GMDS: variants seen among roughly 807,000 people sequenced by gnomAD.
GMDS encodes the protein GDP-mannose 4,6 dehydratase.
A neutral mutation model predicts 49.9 loss-of-function variants in GMDS; 20 were observed. The observed-to-expected ratio is 0.40, with a 90% CI of 0.28 to 0.58. The LOEUF (loss-of-function observed/expected upper bound fraction) is 0.58. Ranked by LOEUF, GMDS falls within the 20% of genes least tolerant of loss-of-function variation. GMDS has a pLI of 0.42. For missense variants in GMDS, 362 were observed against 481.4 expected, an observed-to-expected ratio of 0.75 and a Z score of 2.32; for synonymous variants, 177 against 178.6, an observed-to-expected ratio of 0.99 and a Z score of 0.07.
intron 1 of GMDS, among the ~76,000 whole-genome samples, chr6:2,201,909 G>T (rs1174996773): frequency 7.4e-6 from 1 of 135,700 alleles, no homozygotes; most frequent in African/African-American, 2.8e-5. Flanking sequence ...TAGCAGGGAG[G>T]TGAAGGATGA....
intron 7 of GMDS, among the ~76,000 whole-genome samples, chr6:1,924,265 CA>C (rs1761879859): frequency 6.6e-6 from 1 of 152,168 alleles, no homozygotes; most frequent in Non-Finnish European, 1.5e-5. Flanking sequence ...CACCTCCACA[CA>C]AAAAAGGATG....
At chr6:1,995,595 A>G (rs1266220378) in intron 4 of GMDS, among the ~76,000 whole-genome samples, 1 of 152,180 alleles carries the variant, frequency 6.6e-6, no homozygotes, top group Non-Finnish European at 1.5e-5. Flanking sequence ...TAGGGAGATA[A>G]ACACATGAAG....
chr6:1,942,522 C>A (rs1011306267), intron 6 of GMDS, among the ~76,000 whole-genome samples: 1 of 152,148 alleles, frequency 6.6e-6, no homozygotes, highest in Admixed American at 6.5e-5. Flanking sequence ...GGAGTGGAAA[C>A]CTGACCAAGG....
chr6:2,050,420 T>C (rs747022708), intron 4 of GMDS, among the ~76,000 whole-genome samples: 1 of 152,092 alleles, frequency 6.6e-6, no homozygotes, highest in Non-Finnish European at 1.5e-5. Context: ...CAGGACCAGA[T>C]AGATTCACAG....
intron 1 of GMDS, among the ~76,000 whole-genome samples, chr6:2,196,120 T>C (rs1046656960): frequency 2.0e-5 from 3 of 152,234 alleles, no homozygotes; most frequent in African/African-American, 7.2e-5. Context: ...GTCAATCTTC[T>C]ACTTTAGCAT....
chr6:1,830,071 T>G (rs1771290291), intron 7 of GMDS, among the ~76,000 whole-genome samples: 1 of 152,224 alleles, frequency 6.6e-6, no homozygotes, highest in African/African-American at 2.4e-5. Flanking sequence ...AGTGGCTTTT[T>G]TATTTAAATT....
chr6:2,026,140 T>G (rs1360548480), intron 4 of GMDS, among the ~76,000 whole-genome samples: 1 of 152,110 alleles, frequency 6.6e-6, no homozygotes, highest in Non-Finnish European at 1.5e-5. Flanking sequence ...AAAACGGTGC[T>G]CAAAAGGCAA....
intron 7 of GMDS, among the ~76,000 whole-genome samples, chr6:1,790,077 T>G (rs940004879): frequency 1.3e-5 from 2 of 152,216 alleles, no homozygotes; most frequent in Non-Finnish European, 2.9e-5. Context: ...TTATTATTTT[T>G]GATGAACTGC....
intron 7 of GMDS, among the ~76,000 whole-genome samples, chr6:1,914,117 A>G (rs1367493684): frequency 6.9e-6 from 1 of 145,568 alleles, no homozygotes; most frequent in Non-Finnish European, 1.5e-5. Flanking sequence ...TTATCATGAA[A>G]GCGTTTTTTG....
chr6:1,647,276 C>T (rs1763514106), intron 9 of GMDS, among the ~76,000 whole-genome samples: 1 of 152,168 alleles, frequency 6.6e-6, no homozygotes, highest in South Asian at 2.1e-4. Context: ...TGCTGTGGAA[C>T]GTAGGAAATG....
intron 9 of GMDS, among the ~76,000 whole-genome samples, chr6:1,697,532 A>T (rs1581472773): frequency 6.6e-6 from 1 of 152,106 alleles, no homozygotes; most frequent in Non-Finnish European, 1.5e-5. Flanking sequence ...CAATGCAAAA[A>T]CCTTGGCGCG....
intron 4 of GMDS, among the ~76,000 whole-genome samples, chr6:1,999,983 T>TTTTTA (rs1766627048): frequency 6.6e-5 from 1 of 15,212 alleles, no homozygotes; most frequent in Non-Finnish European, 1.2e-4. Flanking sequence ...TATATATATT[T>TTTTTA]TATATATATA....
intron 4 of GMDS, among the ~76,000 whole-genome samples, chr6:2,031,628 A>G (rs1355861587): frequency 6.6e-6 from 1 of 152,168 alleles, no homozygotes; most frequent in Non-Finnish European, 1.5e-5. Context: ...GAAGAAAGCT[A>G]TGAGGACATC....
intron 4 of GMDS, among the ~76,000 whole-genome samples, chr6:2,057,530 C>G (rs28736862): frequency 0.077 from 11,721 of 152,206 alleles, 1,087 homozygotes; most frequent in African/African-American, 0.22. Context: ...TTGTTACCCA[C>G]TCTTGCCAAG....
intron 7 of GMDS, among the ~76,000 whole-genome samples, chr6:1,830,738 G>C (rs1184532053): frequency 6.6e-6 from 1 of 152,072 alleles, no homozygotes; most frequent in Non-Finnish European, 1.5e-5. Flanking sequence ...TTATCAACAA[G>C]ATATTAAATT....
At chr6:1,746,989 C>T (rs536356173) in intron 7 of GMDS, among the ~76,000 whole-genome samples, 4 of 152,208 alleles carry the variant, frequency 2.6e-5, no homozygotes, top group South Asian at 2.1e-4. Flanking sequence ...TGTGAGCCAC[C>T]GCTCCCAGCC....
chr6:2,080,424 C>T (rs1185452265), intron 4 of GMDS, among the ~76,000 whole-genome samples: 1 of 152,180 alleles, frequency 6.6e-6, no homozygotes, highest in Non-Finnish European at 1.5e-5. Context: ...ACTTGGGCAT[C>T]TGGTGTCAGT....
At chr6:2,214,490 G>C (rs531631076) in intron 1 of GMDS, among the ~76,000 whole-genome samples, 3 of 152,182 alleles carry the variant, frequency 2.0e-5, no homozygotes, top group Non-Finnish European at 4.4e-5. Flanking sequence ...CATTGTATTA[G>C]ATATTATAAG....
intron 9 of GMDS, among the ~76,000 whole-genome samples, chr6:1,663,727 G>A (rs551213509): frequency 2.6e-5 from 4 of 152,214 alleles, no homozygotes; most frequent in East Asian, 1.9e-4. Flanking sequence ...GGAGTCCCCC[G>A]GTGACTGGTG....
Sources: allele counts gnomAD v4.1 joint callset (sites outside exome capture counted in the v4.1 genomes callset), GRCh38; gene constraint gnomAD v4.1.1; transcripts MANE v1.5; gene names NCBI Gene and HGNC (gene_info 2026-07-23, HGNC 2026-07-21).